Variants in USP2 observed in about 807,000 individuals in gnomAD.
USP2 encodes ubiquitin carboxyl-terminal hydrolase 2.
Under a neutral mutation model 72.0 loss-of-function variants are expected in USP2, and 33 were observed. The ratio of observed to expected loss-of-function variants is 0.46; its 90% confidence interval spans 0.35 to 0.61. The LOEUF (loss-of-function observed/expected upper bound fraction) is 0.61. Ranked by LOEUF, USP2 falls within the 20% of genes least tolerant of loss-of-function variation. The pLI is 0.01. For synonymous variants in USP2, 296 were observed against 312.5 expected (o/e 0.95, Z 0.56); for missense variants, 691 against 797.8 (o/e 0.87, Z 1.61).
intron 1 of USP2, among the ~76,000 whole-genome samples, chr11:119,376,524 C>T (rs1330911512): frequency 6.6e-6 from 1 of 152,266 alleles, no homozygotes; most frequent in Non-Finnish European, 1.5e-5. Flanking sequence ...CAGGCAGCGC[C>T]TCTCCAGGTG....
At position 119,359,293 on chromosome 11, in the gene USP2, C is replaced by A; in HGVS notation, c.999G>T (p.Val333=). Residue 333 remains valine, a synonymous_variant, in exon 5 of 13, where the codon GTG becomes GTT. Coordinates refer to ENST00000260187, the MANE Select transcript of USP2 (RefSeq NM_004205.5). ...QTIWTSSPND[V]VSPSEFKTQI... Reference sequence around the variant, plus strand: ...GGGTCTTGAACTCAGATGGGCTCACCACATCATTGGGGGATGAAGTCCATA... The same window carrying A: ...GGGTCTTGAACTCAGATGGGCTCACAACATCATTGGGGGATGAAGTCCATA... 1 of 1,613,978 alleles carries A rather than the reference C, an allele frequency of 6.2e-7. No individual in the cohort carries two copies. The highest frequency in any genetic ancestry group is 1.3e-5 in the African/African-American group (1 of 74,984).
At chr11:119,381,400 C>G (rs1345033300) in intron 1 of USP2, 73 bp downstream of exon 1, 1 of 1,482,584 alleles carries the variant, frequency 6.7e-7, no homozygotes, top group East Asian at 2.5e-5. Flanking sequence ...TCGTGGACAC[C>G]TTACTTTCTG....
At chr11:119,377,430 G>C (rs1020361548) in intron 1 of USP2, among the ~76,000 whole-genome samples, 1 of 152,216 alleles carries the variant, frequency 6.6e-6, no homozygotes, top group Admixed American at 6.5e-5. Flanking sequence ...AGCATGCGGT[G>C]TACAGACTCT....
intron 2 of USP2, among the ~76,000 whole-genome samples, chr11:119,369,909 T>C (rs938175832): frequency 9.2e-5 from 14 of 152,260 alleles, no homozygotes; most frequent in African/African-American, 3.4e-4. Context: ...CCAGGCGTGG[T>C]GGCTCACACC....
chr11:119,358,895 C>G, intron 6 of USP2, 58 bp from the exon 7 acceptor site: 1 of 1,602,946 alleles, frequency 6.2e-7, no homozygotes, highest in East Asian at 2.2e-5. Flanking sequence ...GTTTAAGGGT[C>G]TGTCAATTTT....
Position 119,356,836 on chromosome 11 carries a change from T to A in USP2, c.1817A>T (p.Ter606LeuextTer17), listed in dbSNP as rs867763909. 3.8e-6 allele frequency: 6 copies of A among 1,560,850 alleles called. No homozygotes were observed. The highest frequency in any genetic ancestry group is 1.9e-4 in the Middle Eastern group (1 of 5,216). Residue 606 changes from the stop codon to leucine, a stop_lost, in exon 13 of 13, where the codon TAG becomes TTG. Coordinates refer to ENST00000260187, the MANE Select transcript of USP2 (RefSeq NM_004205.5). ...YELASPPSRM[*>L] is the part of the protein sequence containing the mutation. The stretch of plus-strand genomic sequence containing the variant: ...GGAGAAGGGACGTGGCTCCTGGCGC[T>A]ACATTCGGGAGGGCGGGCTGGCCAG...
At chr11:119,377,920 C>T (rs1279776921) in intron 1 of USP2, among the ~76,000 whole-genome samples, 5 of 152,138 alleles carry the variant, frequency 3.3e-5, no homozygotes, top group African/African-American at 4.8e-5. Flanking sequence ...CTGCCCAGAT[C>T]TGCTTGGCTT....
intron 3 of USP2, 21 bp from the exon 4 acceptor site, chr11:119,359,681 A>T: frequency 1.2e-6 from 2 of 1,611,650 alleles, no homozygotes; most frequent in Non-Finnish European, 1.7e-6. Context: ...TGACCAGGCA[A>T]TCAGTGGGGA....
At chr11:119,377,806 C>T (rs1951020112) in intron 1 of USP2, among the ~76,000 whole-genome samples, 1 of 152,152 alleles carries the variant, frequency 6.6e-6, no homozygotes, top group South Asian at 2.1e-4. Context: ...CCTAACCTGC[C>T]CAGCCAGGGG....
At position 119,373,399 on chromosome 11, in the gene USP2, C is replaced by T. The variant is rs147562643; in HGVS notation, c.82G>A (p.Gly28Ser). Residue 28 changes from glycine to serine, a missense_variant, in exon 2 of 13, where the codon GGT (glycine) becomes AGT (serine). Coordinates refer to ENST00000260187, the MANE Select transcript of USP2 (RefSeq NM_004205.5). ...CCATAGGAGGACGGGGTGTAGGCAC[C>T]ATAGCCCGACTTGGCATAGTGGGCA... ...TDAHYAKSGY[G>S]AYTPSSYGAN... The T allele has an allele frequency of 1.9e-6, 3 of 1,607,966 alleles. No individual in the cohort carries two copies. In the East Asian group the frequency reaches 6.7e-5, roughly 36 times the overall value.
Position 119,359,522 on chromosome 11 carries a change from C to T in USP2, c.949+15G>A, listed in dbSNP as rs757132293. ...TCCGGGGGTAGGCAGGGGCACATGA[C>T]AGAGGGCCTCTCACCTTCCACGAGG... On this transcript the variant is annotated intron_variant, in intron 4 of 12. Coordinates refer to ENST00000260187, the MANE Select transcript of USP2 (RefSeq NM_004205.5). The T allele has an allele frequency of 3.1e-6, 5 of 1,613,296 alleles. No individual in the cohort carries two copies. The African/African-American group carries it at 6.7e-5, about 22-fold the overall frequency.
At chr11:119,379,157 T>C (rs1951033585) in intron 1 of USP2, 3 of 985,492 alleles carry the variant, frequency 3.0e-6, no homozygotes, top group Non-Finnish European at 3.6e-6. Flanking sequence ...GTATCTTATC[T>C]GACCTCGCAG....
At chr11:119,363,764 C>T in intron 2 of USP2, 1 of 1,123,570 alleles carries the variant, frequency 8.9e-7, no homozygotes, top group Non-Finnish European at 1.2e-6. Context: ...GTCCCCTCAC[C>T]TAGGGGCGCG....
chr11:119,373,541 G>T lies in USP2; in HGVS notation c.-41-20C>A. 3 of 1,496,316 alleles carry T rather than the reference G, an allele frequency of 2.0e-6. No homozygotes were observed. Among genetic ancestry groups the T allele is most frequent in the Non-Finnish European group, 2.7e-6 (3 of 1,130,524 alleles). 92.7% of individuals were successfully genotyped at this position (1,496,316 alleles called of 1,614,324 possible). A position where few individuals can be genotyped will look rare whatever the true frequency, so the allele number is the denominator to read the frequency against. ...CATGGGCTGAAAGACAAGGAGTGTA[G>T]TTGTCAGAGGGCCCTGCCAGGTGTC... On this transcript the variant is annotated intron_variant, in intron 1 of 12. Transcript: ENST00000260187.
chr11:119,358,626 C>CTT (rs1950712226), intron 7 of USP2, 147 bp downstream of exon 7: 1 of 1,019,636 alleles, frequency 9.8e-7, no homozygotes, highest in South Asian at 1.4e-5. Flanking sequence ...TGCACAGCAT[C>CTT]TTCTTTCTTG....
intron 2 of USP2, among the ~76,000 whole-genome samples, chr11:119,363,309 G>C (rs955924758): frequency 7.9e-5 from 12 of 152,246 alleles, no homozygotes; most frequent in African/African-American, 2.9e-4. Flanking sequence ...CATAAATGGA[G>C]AGGACGGAAA....
chr11:119,359,755 A>G (rs1244951265), intron 3 of USP2, 95 bp from the exon 4 acceptor site: 15 of 1,519,256 alleles, frequency 9.9e-6, no homozygotes, highest in Middle Eastern at 1.7e-4. Flanking sequence ...ATCTACCTAG[A>G]ATCCTTTCAT....
At chr11:119,359,512 G>A in intron 4 of USP2, 25 bp downstream of exon 4, 1 of 1,612,954 alleles carries the variant, frequency 6.2e-7, no homozygotes, top group Non-Finnish European at 8.5e-7. Context: ...GGGTAGGCAG[G>A]GGCACATGAC....
intron 1 of USP2, among the ~76,000 whole-genome samples, chr11:119,374,298 G>C (rs1409088476): frequency 5.3e-5 from 8 of 152,168 alleles, no homozygotes; most frequent in Admixed American, 5.2e-4. Flanking sequence ...TACAAACACA[G>C]ATCTCAAATT....
Sources: gnomAD v4.1 joint callset for allele counts (sites outside exome capture counted in the v4.1 genomes callset) on GRCh38, gnomAD v4.1.1 for gene constraint, MANE v1.5 for transcripts, NCBI Gene and HGNC (gene_info 2026-07-23, HGNC 2026-07-21) for gene names.